Variants in NELL1 observed in about 807,000 individuals in gnomAD.
The protein encoded by NELL1 is protein kinase C-binding protein NELL1.
Under a neutral mutation model 107.4 loss-of-function variants are expected in NELL1, and 76 were observed. The observed-to-expected ratio is 0.71, with a 90% CI of 0.59 to 0.86. The LOEUF (loss-of-function observed/expected upper bound fraction) is 0.86, where lower values mean the gene tolerates loss of function less well. NELL1 is among the 40% of genes least tolerant of loss of function. NELL1 has a pLI of 0.00. For synonymous variants in NELL1, 353 were observed against 341.2 expected (o/e 1.03, Z -0.38); for missense variants, 1,024 against 1,005.5 (o/e 1.02, Z -0.25).
chr11:21,405,845 C>G (rs1319500757), intron 15 of NELL1, among the ~76,000 whole-genome samples: 1 of 151,938 alleles, frequency 6.6e-6, no homozygotes, highest in African/African-American at 2.4e-5. Context: ...CAAGCCTGCC[C>G]CTTGCAATAT....
At chr11:21,516,702 G>T (rs1855569998) in intron 15 of NELL1, among the ~76,000 whole-genome samples, 1 of 151,258 alleles carries the variant, frequency 6.6e-6, no homozygotes, top group Non-Finnish European at 1.5e-5. Flanking sequence ...TAGGATCACT[G>T]TTGTATACAT....
intron 14 of NELL1, among the ~76,000 whole-genome samples, chr11:21,236,345 G>T (rs560727595): frequency 2.0e-5 from 3 of 152,268 alleles, no homozygotes; most frequent in African/African-American, 7.2e-5. Flanking sequence ...GATGCAAAAT[G>T]AGAATTGACC....
chr11:21,251,493 A>G (rs1858636979), intron 14 of NELL1, among the ~76,000 whole-genome samples: 1 of 152,094 alleles, frequency 6.6e-6, no homozygotes, highest in African/African-American at 2.4e-5. Flanking sequence ...ACATGAAGTT[A>G]GAGACAATTT....
At chr11:21,339,434 A>G (rs1478299372) in intron 14 of NELL1, among the ~76,000 whole-genome samples, 2 of 152,204 alleles carry the variant, frequency 1.3e-5, no homozygotes, top group Non-Finnish European at 1.5e-5. Flanking sequence ...CAGCCTATAG[A>G]ACTGTGAGAC....
At chr11:21,205,136 G>A (rs1482104433) in intron 13 of NELL1, among the ~76,000 whole-genome samples, 1 of 152,158 alleles carries the variant, frequency 6.6e-6, no homozygotes, top group East Asian at 1.9e-4. Context: ...GAGCTCGAAC[G>A]CTGTGCTGGG....
At chr11:20,747,846 C>T (rs1240801631) in intron 2 of NELL1, among the ~76,000 whole-genome samples, 1 of 152,068 alleles carries the variant, frequency 6.6e-6, no homozygotes, top group Non-Finnish European at 1.5e-5. Flanking sequence ...GTATGGTTTC[C>T]CTTGCTTGAG....
In NELL1 at chr11:21,575,178, C is replaced by G. The variant is rs910160069; in HGVS notation, c.*156C>G. 2 of 656,946 alleles carry G rather than the reference C, an allele frequency of 3.0e-6. No individual in the cohort carries two copies. Among genetic ancestry groups the G allele is most frequent in the Non-Finnish European group, 2.7e-6 (1 of 372,032 alleles). The allele number at this position is 656,946 out of a possible 1,614,324, so 40.7% of individuals were successfully genotyped here. ...ACCTGAGGACGGTGTTTGGAGGTTG[C>G]CTTTTGGACCTACCACTTTGCTCAT... On this transcript the variant is annotated 3_prime_UTR_variant, in exon 20 of 20. Coordinates refer to ENST00000357134, the MANE Select transcript of NELL1 (RefSeq NM_006157.5).
At position 21,370,957 on chromosome 11, in the gene NELL1, G is replaced by A. The variant is rs145142160; in HGVS notation, c.1645+9G>A. 209 of 1,601,786 alleles carry A rather than the reference G, an allele frequency of 1.3e-4. No individual in the cohort carries two copies. In the African/African-American group the frequency reaches 2.5e-3, roughly 19 times the overall value. On this transcript the variant is annotated intron_variant, in intron 15 of 19. Transcript: ENST00000357134. ...AAGCCACTGCGAGAAAGGTAATCTA[G>A]CTTGTTTTATGGGGGATAGGGACAA...
intron 5 of NELL1, among the ~76,000 whole-genome samples, chr11:20,899,712 A>G (rs951266590): frequency 1.3e-5 from 2 of 152,126 alleles, no homozygotes; most frequent in Non-Finnish European, 2.9e-5. Context: ...TACACTGGGA[A>G]GTTTGAGCAA....
At chr11:21,487,658 G>A (rs1408394323) in intron 15 of NELL1, among the ~76,000 whole-genome samples, 1 of 151,876 alleles carries the variant, frequency 6.6e-6, no homozygotes, top group Non-Finnish European at 1.5e-5. Flanking sequence ...TGAACAATAT[G>A]ACAAAAACCC....
At chr11:21,290,398 G>GATAAATAGATAAATAAATAA (rs1554995055) in intron 14 of NELL1, among the ~76,000 whole-genome samples, 199 of 146,444 alleles carry the variant, frequency 1.4e-3, no homozygotes, top group African/African-American at 4.8e-3. Flanking sequence ...AAAATAAATA[G>GATAAATAGATAAATAAATAA]ATAAATAAAT....
intron 15 of NELL1, among the ~76,000 whole-genome samples, chr11:21,512,208 T>C (rs1262558297): frequency 6.6e-6 from 1 of 152,256 alleles, no homozygotes; most frequent in Non-Finnish European, 1.5e-5. Flanking sequence ...ATGGGGCCCA[T>C]TGTCTTTCCT....
chr11:20,881,251 T>C (rs1849401786), intron 4 of NELL1, among the ~76,000 whole-genome samples: 1 of 152,238 alleles, frequency 6.6e-6, no homozygotes. Flanking sequence ...ATATTAATCA[T>C]GTCCTCTTTT....
intron 15 of NELL1, among the ~76,000 whole-genome samples, chr11:21,420,158 GT>G: frequency 6.6e-6 from 1 of 152,042 alleles, no homozygotes; most frequent in Non-Finnish European, 1.5e-5. Context: ...TATTGAAAAT[GT>G]AGTTATTAAG....
chr11:21,131,829 T>C (rs1855625522), intron 13 of NELL1, among the ~76,000 whole-genome samples: 1 of 152,334 alleles, frequency 6.6e-6, no homozygotes, highest in South Asian at 2.1e-4. Context: ...GAATATTGCA[T>C]GTAACTTTTG....
intron 5 of NELL1, among the ~76,000 whole-genome samples, chr11:20,914,431 A>G (rs1158348131): frequency 6.6e-6 from 1 of 152,108 alleles, no homozygotes; most frequent in South Asian, 2.1e-4. Flanking sequence ...AAGCGTTATC[A>G]GTAGTAAAGA....
chr11:20,971,531 C>T (rs1329532536), intron 12 of NELL1, among the ~76,000 whole-genome samples: 1 of 152,114 alleles, frequency 6.6e-6, no homozygotes, highest in Non-Finnish European at 1.5e-5. Context: ...TGAACTCACT[C>T]AGTTTTTATT....
intron 12 of NELL1, among the ~76,000 whole-genome samples, chr11:21,006,607 C>G (rs1323952722): frequency 1.3e-5 from 2 of 152,026 alleles, no homozygotes; most frequent in African/African-American, 4.8e-5. Context: ...TCTCTCGAAT[C>G]CCTTTTTGTT....
chr11:20,974,222 C>T (rs1302191525), intron 12 of NELL1, among the ~76,000 whole-genome samples: 2 of 152,132 alleles, frequency 1.3e-5, no homozygotes, highest in East Asian at 1.9e-4. Context: ...TGAGGTGGGA[C>T]ACTCCGAGGT....
Sources: allele counts gnomAD v4.1 joint callset (sites outside exome capture counted in the v4.1 genomes callset), GRCh38; gene constraint gnomAD v4.1.1; transcripts MANE v1.5; gene names NCBI Gene and HGNC (gene_info 2026-07-23, HGNC 2026-07-21).